The following NEDD4L variants were observed in gnomAD, a reference collection of about 807,000 sequenced individuals.
NEDD4L encodes the protein NEDD4 like E3 ubiquitin protein ligase.
A neutral mutation model predicts 148.9 loss-of-function variants in NEDD4L; 54 were observed. That is an observed-to-expected ratio of 0.36 (90% CI 0.29 to 0.45). The LOEUF is 0.45. NEDD4L is among the 20% of genes least tolerant of loss of function. The pLI is 1.00. For missense variants in NEDD4L, 856 were observed against 1,233.8 expected (o/e 0.69, Z 4.59); for synonymous variants, 433 against 440.7 (o/e 0.98, Z 0.22).
At chr18:58,176,884 A>G (rs113548561) in intron 2 of NEDD4L, among the ~76,000 whole-genome samples, 1 of 152,192 alleles carries the variant, frequency 6.6e-6, no homozygotes, top group African/African-American at 2.4e-5. Flanking sequence ...TGTGTTTTTT[A>G]GGAAGCGGAA....
At chr18:58,168,778 C>G (rs2037185519) in intron 2 of NEDD4L, among the ~76,000 whole-genome samples, 1 of 152,230 alleles carries the variant, frequency 6.6e-6, no homozygotes, top group South Asian at 2.1e-4. Context: ...AGAGGCATTT[C>G]AGAGCCTTTA....
chr18:58,045,549 CT>C, intron 1 of NEDD4L: 2 of 157,464 alleles, frequency 1.3e-5, no homozygotes, highest in Non-Finnish European at 2.8e-5. Context: ...CCACTCCCCC[CT>C]TTTGAAACAA....
chr18:58,066,567 C>T (rs1325846539), intron 1 of NEDD4L, among the ~76,000 whole-genome samples: 2 of 151,974 alleles, frequency 1.3e-5, no homozygotes, highest in African/African-American at 4.8e-5. Flanking sequence ...TTCCACTCAC[C>T]TTGGCCTCCC....
intron 2 of NEDD4L, among the ~76,000 whole-genome samples, chr18:58,167,876 TA>T (rs2037065128): frequency 6.6e-6 from 1 of 152,208 alleles, no homozygotes; most frequent in Admixed American, 6.5e-5. Flanking sequence ...GATTTCTTTT[TA>T]AGCTTGATTG....
chr18:58,117,852 A>G (rs1028389322), intron 1 of NEDD4L, among the ~76,000 whole-genome samples: 2 of 152,194 alleles, frequency 1.3e-5, no homozygotes, highest in Non-Finnish European at 2.9e-5. Context: ...CATGGAGTGT[A>G]TAGAATGTTT....
At chr18:58,120,076 C>T (rs942589880) in intron 1 of NEDD4L, among the ~76,000 whole-genome samples, 1 of 152,236 alleles carries the variant, frequency 6.6e-6, no homozygotes, top group Non-Finnish European at 1.5e-5. Context: ...TTGCCAGGAT[C>T]GGCCTCTCCA....
intron 2 of NEDD4L, among the ~76,000 whole-genome samples, chr18:58,186,533 G>A (rs1000323839): frequency 6.6e-6 from 1 of 152,088 alleles, no homozygotes; most frequent in African/African-American, 2.4e-5. Context: ...ATTCTGATTG[G>A]CATTTTATAC....
At chr18:58,290,640 A>G (rs1232983675) in intron 5 of NEDD4L, among the ~76,000 whole-genome samples, 7 of 152,194 alleles carry the variant, frequency 4.6e-5, no homozygotes, top group Non-Finnish European at 1.0e-4. Context: ...AATGTCTCCT[A>G]CAAATTAGAG....
Position 58,044,402 on chromosome 18 carries a change from TGCCGCCCGGTGCTCGGCGCGCTCTCGGGA to T in NEDD4L, c.-250_-222del. 4.0e-6 allele frequency: 1 copy of T among 252,762 alleles called. No homozygotes were observed. Among genetic ancestry groups the T allele is most frequent in the Non-Finnish European group, 7.3e-6 (1 of 137,280 alleles). 15.7% of individuals were successfully genotyped at this position (252,762 alleles called of 1,614,324 possible). On this transcript the variant is annotated 5_prime_UTR_variant, in exon 1 of 31. Transcript: ENST00000400345. ...CGCGCGCAGTGAGAGGCGCCGGGGC[TGCCGCCCGGTGCTCGGCGCGCTCTCGGGA>T]GCCGCCCGCCCGCTGGTCCCGCAGC...
intron 2 of NEDD4L, among the ~76,000 whole-genome samples, chr18:58,213,866 G>T (rs913642241): frequency 6.6e-6 from 1 of 152,094 alleles, no homozygotes; most frequent in Non-Finnish European, 1.5e-5. Flanking sequence ...TTTATTCTGA[G>T]ACCCCGTTTG....
intron 5 of NEDD4L, among the ~76,000 whole-genome samples, chr18:58,258,947 G>A (rs894702332): frequency 1.3e-5 from 2 of 152,110 alleles, no homozygotes; most frequent in East Asian, 3.8e-4. Flanking sequence ...CTTTTTTGGC[G>A]TTTCAAATAT....
chr18:58,115,208 T>C lies in NEDD4L; in HGVS notation c.49-50580T>C, dbSNP rs2085723949. ...TGGTATTTGCCTGAGATGTTTTTCTTTTCTTTTTCATTCTTTTTTCTTTTC... is the reference window on the plus strand; with the variant it reads ...TGGTATTTGCCTGAGATGTTTTTCTCTTCTTTTTCATTCTTTTTTCTTTTC... On this transcript the variant is annotated intron_variant, in intron 1 of 30. Coordinates refer to ENST00000400345, the MANE Select transcript of NEDD4L (RefSeq NM_001144967.3). 2.0e-5 allele frequency among the ~76,000 whole-genome samples: 3 copies of C among 151,986 alleles called. No homozygotes were observed. The South Asian group carries it at 6.2e-4, about 32-fold the overall frequency.
At chr18:58,247,162 G>C (rs1245287547) in intron 3 of NEDD4L, 1 of 152,094 alleles carries the variant, frequency 6.6e-6, no homozygotes, top group Non-Finnish European at 1.5e-5. Context: ...ACACTTTGCT[G>C]AACATTTTCT....
chr18:58,079,713 G>A (rs962675122), intron 1 of NEDD4L, among the ~76,000 whole-genome samples: 3 of 152,172 alleles, frequency 2.0e-5, no homozygotes, highest in Non-Finnish European at 2.9e-5. Context: ...GTGAGGAACC[G>A]GAGGGGTCAT....
chr18:58,059,411 A>T (rs572884309), intron 1 of NEDD4L, among the ~76,000 whole-genome samples: 2 of 152,358 alleles, frequency 1.3e-5, no homozygotes, highest in Admixed American at 1.3e-4. Context: ...AGAGGCTCTT[A>T]AAAGGGCAAA....
At chr18:58,179,763 G>C (rs1568337668) in intron 2 of NEDD4L, among the ~76,000 whole-genome samples, 1 of 151,964 alleles carries the variant, frequency 6.6e-6, no homozygotes, top group Non-Finnish European at 1.5e-5. Flanking sequence ...GGACCATCTA[G>C]TTGCAGGAAA....
chr18:58,082,102 A>ATATATATTTTTTT, intron 1 of NEDD4L, among the ~76,000 whole-genome samples: 45 of 48,812 alleles, frequency 9.2e-4, no homozygotes, highest in African/African-American at 2.9e-3. Flanking sequence ...ATATATATAT[A>ATATATATTTTTTT]TTTTTTTTTT....
rs748006260 is a variant in NEDD4L at position 58,323,260 on chromosome 18, C to T, written c.439C>T (p.Arg147Ter). Residue 147 changes from arginine (R) to a stop codon, truncating the protein, a stop_gained, in exon 8 of 31, where the codon CGA (arginine) becomes TGA (stop). Coordinates refer to ENST00000400345, the MANE Select transcript of NEDD4L (RefSeq NM_001144967.3). LOFTEE classifies it high-confidence loss of function. ...SHKSRVKGFL[R>*]LKMAYMPKNG... ...TAAGTCTCGAGTTAAGGGATTTTTG[C>T]GATTGAAAATGGCCTATATGCCAAA... is the stretch of plus-strand genomic sequence containing the variant. 1.9e-6 allele frequency: 3 copies of T among 1,602,962 alleles called. No homozygotes were observed. Among genetic ancestry groups the T allele is most frequent in the East Asian group, 2.2e-5 (1 of 44,692 alleles).
intron 23 of NEDD4L, 23 bp downstream of exon 23, chr18:58,370,490 C>T: frequency 6.7e-7 from 1 of 1,500,802 alleles, no homozygotes; most frequent in Non-Finnish European, 9.3e-7. Context: ...ACGTCACACA[C>T]TGGCCATCAC....
Sources: allele counts gnomAD v4.1 joint callset (sites outside exome capture counted in the v4.1 genomes callset), GRCh38; gene constraint gnomAD v4.1.1; transcripts MANE v1.5; gene names NCBI Gene and HGNC (gene_info 2026-07-23, HGNC 2026-07-21).